The following MICAL2 variants were observed in gnomAD, a reference collection of about 807,000 sequenced individuals.
MICAL2 encodes [F-actin]-monooxygenase MICAL2.
A neutral mutation model predicts 127.3 loss-of-function variants in MICAL2; 77 were observed. That is an observed-to-expected ratio of 0.60 (90% CI 0.50 to 0.73). MICAL2 has a LOEUF of 0.73. Among genes scored for constraint, MICAL2 ranks in the 30% least tolerant of loss-of-function variants. MICAL2 has a pLI of 0.00. For synonymous variants in MICAL2, 570 were observed against 551.1 expected, an observed-to-expected ratio of 1.03 and a Z score of -0.48; for missense variants, 1,351 against 1,434.4, an observed-to-expected ratio of 0.94 and a Z score of 0.94.
downstream of MICAL2, among the ~76,000 whole-genome samples, chr11:12,362,140 A>C (rs2134923050): frequency 1.3e-5 from 2 of 152,330 alleles, no homozygotes; most frequent in South Asian, 4.1e-4. Context: ...AGGAATCAAA[A>C]CATTTTCATG....
At chr11:12,309,479 G>T (rs1408551987) in intron 29 of MICAL2, among the ~76,000 whole-genome samples, 1 of 152,082 alleles carries the variant, frequency 6.6e-6, no homozygotes, top group Non-Finnish European at 1.5e-5. Flanking sequence ...ATGACCTTCA[G>T]TTTCATCCAT....
intron 32 of MICAL2, chr11:12,349,699 G>C (rs1287527918): frequency 1.5e-6 from 1 of 685,146 alleles, no homozygotes; most frequent in African/African-American, 1.8e-5. Flanking sequence ...TAACCTGGAG[G>C]CACCTACAGG....
At chr11:12,273,917 AC>A (rs1863697743), upstream of MICAL2, among the ~76,000 whole-genome samples, 1 of 152,130 alleles carries the variant, frequency 6.6e-6, no homozygotes, top group South Asian at 2.1e-4. Flanking sequence ...TGGTGGAGGC[AC>A]AGGCAGGATT....
chr11:12,292,546 T>G (rs529825065), downstream of MICAL2, among the ~76,000 whole-genome samples: 2 of 152,186 alleles, frequency 1.3e-5, no homozygotes, highest in Non-Finnish European at 2.9e-5. Context: ...TTACAGGGTT[T>G]AGACTCCATG....
At chr11:12,132,250 A>G (rs1851479011) in intron 1 of MICAL2, among the ~76,000 whole-genome samples, 1 of 152,160 alleles carries the variant, frequency 6.6e-6, no homozygotes, top group Admixed American at 6.5e-5. Context: ...TTTAAGGGAA[A>G]CCAGGTTTGC....
At chr11:12,234,606 T>G (rs1858763825) in intron 15 of MICAL2, among the ~76,000 whole-genome samples, 1 of 152,268 alleles carries the variant, frequency 6.6e-6, no homozygotes, top group Non-Finnish European at 1.5e-5. Flanking sequence ...TGTTGTTTTG[T>G]GCTGCCTGGG....
chr11:12,258,444 G>C (rs11022265), intron 24 of MICAL2, 24 bp from the exon 25 acceptor site: 377,533 of 1,599,026 alleles, frequency 0.24, 46,025 homozygotes, highest in South Asian at 0.29. Flanking sequence ...AAATTTTTCT[G>C]TATGTGTGTG....
chr11:12,288,689 G>T (rs1863857081), downstream of MICAL2, among the ~76,000 whole-genome samples: 1 of 152,330 alleles, frequency 6.6e-6, no homozygotes, highest in South Asian at 2.1e-4. Flanking sequence ...CTGAATCAAT[G>T]AATGAAGTAA....
downstream of MICAL2, among the ~76,000 whole-genome samples, chr11:12,268,058 T>G (rs994883050): frequency 2.0e-5 from 3 of 152,272 alleles, no homozygotes; most frequent in Admixed American, 6.5e-5. Flanking sequence ...CAAAAAATAT[T>G]TTTAGGATAT....
rs547954761 is a variant in MICAL2 at position 12,325,765 on chromosome 11, T to A, written c.5422-1408T>A. ...CCTCCTTAAAGGCCCTATCTCCAAA[T>A]ATAGTCACACTGGGGGTTAGGGCTT... is the stretch of plus-strand genomic sequence containing the variant. On this transcript the variant is annotated intron_variant, in intron 31 of 34. Coordinates refer to the MICAL2 transcript ENST00000646065. Among the ~76,000 whole-genome samples, 3 of 152,326 alleles carry A rather than the reference T, an allele frequency of 2.0e-5. No individual in the cohort carries two copies. In the South Asian group the frequency reaches 6.2e-4, roughly 32 times the overall value.
chr11:12,167,334 C>T (rs1309269238), intron 3 of MICAL2, among the ~76,000 whole-genome samples: 1 of 152,156 alleles, frequency 6.6e-6, no homozygotes, highest in East Asian at 1.9e-4. Flanking sequence ...AGGGTCACCA[C>T]ACACCTTTTG....
rs569795971 is a variant in MICAL2, at chr11:12,297,798, G to A, written c.5212+2941G>A. 5.9e-4 allele frequency among the ~76,000 whole-genome samples: 90 copies of A among 151,936 alleles called. 1 individual carries two copies. Among genetic ancestry groups the A allele is most frequent in the Middle Eastern group, 3.4e-3 (1 of 292 alleles). On this transcript the variant is annotated intron_variant, in intron 29 of 34. Transcript: ENST00000646065. ...CTTTCCCTCTCTTATGTGAGATGAC[G>A]TATTTATCATATATAAAATTCCTGA...
chr11:12,114,891 C>A (rs769504781), intron 1 of MICAL2, among the ~76,000 whole-genome samples: 1 of 152,170 alleles, frequency 6.6e-6, no homozygotes, highest in African/African-American at 2.4e-5. Flanking sequence ...GATCAGCAAC[C>A]GGCCTCCACA....
chr11:12,313,543 TATC>T (rs1261431090), intron 29 of MICAL2, among the ~76,000 whole-genome samples: 1 of 152,222 alleles, frequency 6.6e-6, no homozygotes, highest in Non-Finnish European at 1.5e-5. Context: ...TAGCTTGACA[TATC>T]ATCAATTTAA....
chr11:12,340,526 A>G (rs553919451), intron 32 of MICAL2, among the ~76,000 whole-genome samples: 1 of 152,222 alleles, frequency 6.6e-6, no homozygotes, highest in Non-Finnish European at 1.5e-5. Context: ...TAAGAATTTC[A>G]TTCCTAATAT....
Position 12,124,480 on chromosome 11 carries a change from C to T in MICAL2, c.-149+13754C>T, listed in dbSNP as rs143528069. ...AAGGACATGAACAGCCTTAACGTTA[C>T]GTGTTCTCAGCTCCTCGAGGGCTCC... On this transcript the variant is annotated intron_variant, in intron 1 of 27. Coordinates refer to ENST00000683283, the MANE Select transcript of MICAL2 (RefSeq NM_001282663.2). Among the ~76,000 whole-genome samples, 1,207 of 152,304 alleles carry T rather than the reference C, an allele frequency of 7.9e-3. 77 individuals are homozygous for T. Among genetic ancestry groups the T allele is most frequent in the Admixed American group, 0.068 (1,038 of 15,296 alleles).
At chr11:12,283,850 T>A (rs1863796906) in intron 2 of MICAL2, among the ~76,000 whole-genome samples, 1 of 152,220 alleles carries the variant, frequency 6.6e-6, no homozygotes, top group Non-Finnish European at 1.5e-5. Context: ...TCACACCCTA[T>A]GTTATGGAGG....
intron 29 of MICAL2, among the ~76,000 whole-genome samples, chr11:12,314,635 T>C (rs1168970881): frequency 8.8e-6 from 1 of 113,300 alleles, no homozygotes; most frequent in Non-Finnish European, 1.8e-5. Flanking sequence ...CCCGCCACCA[T>C]GCCCAGCTAA....
intron 32 of MICAL2, among the ~76,000 whole-genome samples, chr11:12,330,900 A>AGAGTGTGT (rs1238311364): frequency 1.5e-4 from 18 of 119,442 alleles, no homozygotes; most frequent in African/African-American, 4.9e-4. Flanking sequence ...AGAGAGAGAG[A>AGAGTGTGT]GTGTGTGTGT....
Sources: allele counts gnomAD v4.1 joint callset (sites outside exome capture counted in the v4.1 genomes callset), GRCh38; gene constraint gnomAD v4.1.1; transcripts MANE v1.5; gene names NCBI Gene and HGNC (gene_info 2026-07-23, HGNC 2026-07-21).